Variants in TMEM135 observed in about 807,000 individuals in gnomAD.
TMEM135 encodes peroxisomal membrane protein 52.
Under a neutral mutation model 60.3 loss-of-function variants are expected in TMEM135, and 30 were observed. The ratio of observed to expected loss-of-function variants is 0.50; its 90% CI spans 0.37 to 0.68. TMEM135 has a LOEUF of 0.68. Ranked by LOEUF, TMEM135 falls within the 30% of genes least tolerant of loss-of-function variation. The probability of loss-of-function intolerance (pLI) is 0.00; values close to 1 mark genes in which losing one functional copy is unlikely to be tolerated. For synonymous variants in TMEM135, 190 were observed against 186.7 expected (o/e 1.02, Z -0.14); for missense variants, 468 against 548.8 (o/e 0.85, Z 1.47).
intron 4 of TMEM135, among the ~76,000 whole-genome samples, chr11:87,099,504 G>A (rs963617067): frequency 6.6e-6 from 1 of 151,766 alleles, no homozygotes; most frequent in Non-Finnish European, 1.5e-5. Flanking sequence ...TTCCATCATA[G>A]CAACACCCAC....
chr11:87,132,011 GTC>G (rs1426625093), intron 4 of TMEM135, among the ~76,000 whole-genome samples: 5 of 152,010 alleles, frequency 3.3e-5, no homozygotes, highest in Admixed American at 2.0e-4. Context: ...ATCTGGCACT[GTC>G]TCCTGTCACC....
chr11:87,218,729 A>T (rs1940555464), intron 5 of TMEM135, among the ~76,000 whole-genome samples: 1 of 152,198 alleles, frequency 6.6e-6, no homozygotes, highest in Admixed American at 6.5e-5. Context: ...TAGAAGGCCG[A>T]GGCAGGTGGA....
intron 4 of TMEM135, among the ~76,000 whole-genome samples, chr11:87,154,226 C>A (rs1007151806): frequency 5.3e-5 from 8 of 152,144 alleles, no homozygotes; most frequent in African/African-American, 1.9e-4. Context: ...GTGAATCATT[C>A]AGTATTTGTT....
intron 4 of TMEM135, among the ~76,000 whole-genome samples, chr11:87,151,848 G>A (rs1411385944): frequency 1.3e-5 from 2 of 152,114 alleles, no homozygotes; most frequent in Non-Finnish European, 2.9e-5. Context: ...CCTAACATTC[G>A]CTGTGTATGG....
intron 6 of TMEM135, among the ~76,000 whole-genome samples, chr11:87,293,305 A>G (rs1033919875): frequency 6.6e-5 from 10 of 152,072 alleles, no homozygotes; most frequent in Non-Finnish European, 1.0e-4. Context: ...GCTAAATTCT[A>G]TGGTTACATT....
At chr11:87,262,047 G>A in intron 6 of TMEM135, among the ~76,000 whole-genome samples, 1 of 152,082 alleles carries the variant, frequency 6.6e-6, no homozygotes, top group East Asian at 1.9e-4. Flanking sequence ...CTATCCAAAT[G>A]TCAGTACATA....
intron 4 of TMEM135, among the ~76,000 whole-genome samples, chr11:87,123,998 G>A (rs540941601): frequency 1.3e-5 from 2 of 152,170 alleles, no homozygotes; most frequent in Non-Finnish European, 2.9e-5. Flanking sequence ...TGATGATAAT[G>A]TTTTTCTCTT....
chr11:87,225,268 A>G (rs1024443614), intron 5 of TMEM135, among the ~76,000 whole-genome samples: 4 of 152,196 alleles, frequency 2.6e-5, no homozygotes, highest in Admixed American at 2.0e-4. Context: ...CTAACTATCT[A>G]TGTCTCTCTA....
intron 8 of TMEM135, among the ~76,000 whole-genome samples, chr11:87,305,232 A>G (rs75499880): frequency 6.6e-6 from 1 of 152,112 alleles, no homozygotes; most frequent in Non-Finnish European, 1.5e-5. Context: ...TTTATTACCA[A>G]TATACTCTAC....
chr11:87,135,493 C>CTTTTTTTTT (rs376201118), intron 4 of TMEM135, among the ~76,000 whole-genome samples: 2 of 142,012 alleles, frequency 1.4e-5, no homozygotes, highest in African/African-American at 5.1e-5. Flanking sequence ...AAGAGTTCAT[C>CTTTTTTTTT]TTTTTTTTTT....
Position 87,323,359 on chromosome 11 carries a change from T to G in TMEM135, c.*2026T>G. The G allele has an allele frequency of 2.2e-6, 1 of 453,998 alleles. No individual in the cohort carries two copies. The highest frequency in any genetic ancestry group is 1.6e-5 in the South Asian group (1 of 64,474). The allele number at this position is 453,998 out of a possible 1,614,324, so 28.1% of individuals were successfully genotyped here. A position where few individuals can be genotyped will look rare whatever the true frequency, so the allele number is the denominator to read the frequency against. ...TGCAGTGGTGGATTGAGAAGTCCAG[T>G]TTGATTTCATTGGGACAGACTGCAA... On this transcript the variant is annotated 3_prime_UTR_variant, in exon 15 of 15. Coordinates refer to ENST00000305494, the MANE Select transcript of TMEM135 (RefSeq NM_022918.4).
At chr11:87,271,868 C>T (rs1255383799) in intron 6 of TMEM135, among the ~76,000 whole-genome samples, 7 of 151,616 alleles carry the variant, frequency 4.6e-5, no homozygotes, top group African/African-American at 9.7e-5. Context: ...CTCAGGAAGT[C>T]GAGGCTGCAT....
rs1015169162 is a variant in TMEM135 at position 87,322,235 on chromosome 11, C to T, written c.*902C>T. 2.2e-6 allele frequency: 1 copy of T among 454,200 alleles called. No homozygotes were observed. Among genetic ancestry groups the T allele is most frequent in the Non-Finnish European group, 4.4e-6 (1 of 226,752 alleles). 28.1% of individuals were successfully genotyped at this position (454,200 alleles called of 1,614,324 possible). A position where few individuals can be genotyped will look rare whatever the true frequency, so the allele number is the denominator to read the frequency against. On this transcript the variant is annotated 3_prime_UTR_variant, in exon 15 of 15. Coordinates refer to ENST00000305494, the MANE Select transcript of TMEM135 (RefSeq NM_022918.4). The stretch of plus-strand genomic sequence containing the variant: ...TGTTGTATTAGAAGGGATCAAAATC[C>T]TATGGAACAAAGTAGTCTTGGCAAG...
At chr11:87,195,062 A>G (rs1438791767) in intron 5 of TMEM135, among the ~76,000 whole-genome samples, 2 of 152,180 alleles carry the variant, frequency 1.3e-5, no homozygotes, top group African/African-American at 2.4e-5. Context: ...TTAAAAATTT[A>G]GTCTTCTTTA....
chr11:87,246,985 A>G (rs1177609827), intron 6 of TMEM135, among the ~76,000 whole-genome samples: 1 of 143,962 alleles, frequency 6.9e-6, no homozygotes, highest in Non-Finnish European at 1.5e-5. Context: ...TTGTGGTTTT[A>G]TCTACTTTTG....
In TMEM135 at chr11:87,135,614, C is replaced by A. The variant is rs557261617; in HGVS notation, c.397-21727C>A. Among the ~76,000 whole-genome samples the A allele has an allele frequency of 8.8e-4, 134 of 151,414 alleles. 1 individual carries two copies. The highest frequency in any genetic ancestry group is 1.2e-3 in the Non-Finnish European group (79 of 67,818). Reference sequence around the variant, plus strand: ...ACTGATCTATTAGTCTATGTTTAAACCCAAACCATGCGGTCTTGATAACTG... The same window carrying A: ...ACTGATCTATTAGTCTATGTTTAAAACCAAACCATGCGGTCTTGATAACTG... On this transcript the variant is annotated intron_variant, in intron 4 of 14. Transcript: ENST00000305494.
chr11:87,110,459 TTA>T (rs1857714391), intron 4 of TMEM135, among the ~76,000 whole-genome samples: 2 of 140,064 alleles, frequency 1.4e-5, no homozygotes. Context: ...GTCTTTGAAT[TTA>T]AAAAAAAAAA....
intron 5 of TMEM135, among the ~76,000 whole-genome samples, chr11:87,186,032 G>A (rs1282868651): frequency 4.0e-5 from 6 of 151,688 alleles, no homozygotes; most frequent in African/African-American, 1.2e-4. Context: ...TCAGCCTCCC[G>A]AGTAGCTGGG....
rs138545462 is a variant in TMEM135 at position 87,146,692 on chromosome 11, A to G, written c.397-10649A>G. Among the ~76,000 whole-genome samples the G allele has an allele frequency of 1.4e-3, 211 of 152,358 alleles. 1 individual carries two copies. In the East Asian group the frequency reaches 0.033, roughly 24 times the overall value. On this transcript the variant is annotated intron_variant, in intron 4 of 14. Transcript: ENST00000305494. The stretch of plus-strand genomic sequence containing the variant: ...ATCTCAAAAAGTGCTGTACTAAACT[A>G]GACCTTGGATTCAATGTTTTACGCC...
Sources: gnomAD v4.1 joint callset for allele counts (sites outside exome capture counted in the v4.1 genomes callset) on GRCh38, gnomAD v4.1.1 for gene constraint, MANE v1.5 for transcripts, NCBI Gene and HGNC (gene_info 2026-07-23, HGNC 2026-07-21) for gene names.